The following CNTNAP4 variants were observed in gnomAD, a reference collection of about 807,000 sequenced individuals.
The protein encoded by CNTNAP4 is contactin-associated protein-like 4.
Under a neutral mutation model 148.4 loss-of-function variants are expected in CNTNAP4, and 98 were observed. The ratio of observed to expected loss-of-function variants is 0.66; its 90% CI spans 0.56 to 0.78. The LOEUF (loss-of-function observed/expected upper bound fraction) is 0.78, where lower values mean the gene tolerates loss of function less well. Ranked by LOEUF, CNTNAP4 falls within the 30% of genes least tolerant of loss-of-function variation. CNTNAP4 has a pLI of 0.00. For missense variants in CNTNAP4, 1,935 were observed against 1,565.6 expected, an observed-to-expected ratio of 1.24 and a Z score of -3.98; for synonymous variants, 730 against 565.1, an observed-to-expected ratio of 1.29 and a Z score of -4.14.
At position 76,559,812 on chromosome 16, in the gene CNTNAP4, C is replaced by T. The variant is rs1367286733; in HGVS notation, c.*1129C>T. ...TGTACATTTTGCTGTGCATAGACTT[C>T]CAGTACATACTTTTTGAAATATGAG... is the stretch of plus-strand genomic sequence containing the variant. On this transcript the variant is annotated 3_prime_UTR_variant, in exon 24 of 24. Coordinates refer to ENST00000611870, the MANE Select transcript of CNTNAP4 (RefSeq NM_033401.5). 6.6e-6 allele frequency among the ~76,000 whole-genome samples: 1 copy of T among 152,068 alleles called. No individual in the cohort carries two copies. The highest frequency in any genetic ancestry group is 1.5e-5 in the Non-Finnish European group (1 of 68,016).
At position 76,539,797 on chromosome 16, in the gene CNTNAP4, A is replaced by G; in HGVS notation, c.3299A>G (p.Asp1100Gly). ...VVNFDFKNMA[D>G]GQLHHIMINR... ...AACTTTGATTTTAAAAACATGGCTGATGGACAACTTCACCACATAATGATT... is the reference window on the plus strand; with the variant it reads ...AACTTTGATTTTAAAAACATGGCTGGTGGACAACTTCACCACATAATGATT... The change falls in exon 20 of 24, where the codon GAT becomes GGT. Residue 1100 changes from aspartate (D) to glycine (G), a missense_variant. Physicochemically the swap from Asp to Gly is moderately conservative, Grantham distance 94 (BLOSUM62 -1). Transcript: ENST00000611870. The G allele has an allele frequency of 5.6e-6, 9 of 1,604,284 alleles. No homozygotes were observed. Among genetic ancestry groups the G allele is most frequent in the Non-Finnish European group, 7.7e-6 (9 of 1,175,066 alleles).
At chr16:76,445,795 C>A (rs2080216840) in intron 4 of CNTNAP4, among the ~76,000 whole-genome samples, 1 of 152,126 alleles carries the variant, frequency 6.6e-6, no homozygotes, top group Non-Finnish European at 1.5e-5. Flanking sequence ...AAAATGAAAT[C>A]ATTACTGTCA....
At chr16:76,466,394 A>G (rs2081177324) in intron 9 of CNTNAP4, among the ~76,000 whole-genome samples, 1 of 152,190 alleles carries the variant, frequency 6.6e-6, no homozygotes, top group Non-Finnish European at 1.5e-5. Context: ...TAAAATAACT[A>G]AAATAGTTTA....
intron 1 of CNTNAP4, among the ~76,000 whole-genome samples, chr16:76,294,410 A>G (rs1331644978): frequency 1.3e-5 from 2 of 152,108 alleles, no homozygotes; most frequent in Non-Finnish European, 2.9e-5. Flanking sequence ...TTTTTCACCT[A>G]CCTATGAAGT....
intron 12 of CNTNAP4, among the ~76,000 whole-genome samples, chr16:76,483,868 T>C (rs900835836): frequency 6.6e-6 from 1 of 152,148 alleles, no homozygotes; most frequent in African/African-American, 2.4e-5. Context: ...TTTTAGCAAG[T>C]AGGCAAATTC....
intron 13 of CNTNAP4, among the ~76,000 whole-genome samples, chr16:76,493,207 A>T (rs1217229114): frequency 1.3e-5 from 2 of 152,312 alleles, no homozygotes; most frequent in South Asian, 2.1e-4. Flanking sequence ...GTTTTCAGAC[A>T]AGCTATATTT....
At chr16:76,517,448 C>T (rs182125379) in intron 15 of CNTNAP4, among the ~76,000 whole-genome samples, 4 of 152,182 alleles carry the variant, frequency 2.6e-5, no homozygotes, top group Admixed American at 2.6e-4. Context: ...TAATTAAATC[C>T]GTATTTCTGG....
intron 3 of CNTNAP4, among the ~76,000 whole-genome samples, chr16:76,426,202 A>C (rs969585403): frequency 6.6e-6 from 1 of 152,190 alleles, no homozygotes; most frequent in Non-Finnish European, 1.5e-5. Flanking sequence ...TAAAACACCC[A>C]ATCTTTTAAA....
intron 2 of CNTNAP4, among the ~76,000 whole-genome samples, chr16:76,326,050 A>G (rs575892243): frequency 1.6e-3 from 244 of 152,328 alleles, no homozygotes; most frequent in African/African-American, 5.7e-3. Flanking sequence ...ATATTTAAGG[A>G]AGATATGACT....
intron 4 of CNTNAP4, among the ~76,000 whole-genome samples, chr16:76,436,989 C>T (rs13338343): frequency 5.3e-5 from 8 of 151,290 alleles, no homozygotes; most frequent in South Asian, 4.2e-4. Context: ...ATCTATCTGT[C>T]TATCTAGGAG....
At chr16:76,323,032 A>G (rs913412366) in intron 2 of CNTNAP4, among the ~76,000 whole-genome samples, 5 of 151,906 alleles carry the variant, frequency 3.3e-5, no homozygotes, top group Non-Finnish European at 5.9e-5. Context: ...TTATTAGTAG[A>G]GATGGGGTTT....
At chr16:76,515,251 C>G (rs2083202431) in intron 15 of CNTNAP4, among the ~76,000 whole-genome samples, 1 of 152,098 alleles carries the variant, frequency 6.6e-6, no homozygotes, top group Admixed American at 6.5e-5. Context: ...GTTAAAAACA[C>G]AATTAAAATA....
At chr16:76,280,143 C>G (rs1387612158) in intron 1 of CNTNAP4, among the ~76,000 whole-genome samples, 1 of 152,072 alleles carries the variant, frequency 6.6e-6, no homozygotes, top group African/African-American at 2.4e-5. Context: ...AATTAAAGGA[C>G]TAGAAAGACT....
chr16:76,469,357 T>C (rs1214424863), intron 10 of CNTNAP4, among the ~76,000 whole-genome samples: 2 of 152,126 alleles, frequency 1.3e-5, no homozygotes, highest in Non-Finnish European at 2.9e-5. Flanking sequence ...CCTTAACAGC[T>C]CTGGAACCTA....
intron 12 of CNTNAP4, 97 bp downstream of exon 12, chr16:76,479,635 A>G: frequency 8.0e-7 from 1 of 1,252,276 alleles, no homozygotes; most frequent in Non-Finnish European, 1.1e-6. Flanking sequence ...CGTAATTTGC[A>G]ACTTGATTAA....
Position 76,422,880 on chromosome 16 carries a change from T to C in CNTNAP4, c.391-4572T>C, listed in dbSNP as rs139556567. Among the ~76,000 whole-genome samples the C allele has an allele frequency of 1.1e-3, 174 of 152,286 alleles. 2 individuals are homozygous for C. The East Asian group carries it at 0.026, about 23-fold the overall frequency. On this transcript the variant is annotated intron_variant, in intron 3 of 23. Coordinates refer to ENST00000611870, the MANE Select transcript of CNTNAP4 (RefSeq NM_033401.5). ...AGAACGCAATCACTAGTTGTTATGG[T>C]CCAAATATTTGTGTCTCCCCAAACT...
intron 8 of CNTNAP4, among the ~76,000 whole-genome samples, chr16:76,453,379 T>C (rs148145083): frequency 6.6e-6 from 1 of 152,214 alleles, no homozygotes; most frequent in Non-Finnish European, 1.5e-5. Context: ...TTAGAAGTAA[T>C]GTACTTGAGG....
intron 4 of CNTNAP4, among the ~76,000 whole-genome samples, chr16:76,439,243 A>C (rs1432638366): frequency 6.6e-6 from 1 of 152,192 alleles, no homozygotes; most frequent in Non-Finnish European, 1.5e-5. Context: ...AAATTGTATC[A>C]TAAATACATA....
intron 3 of CNTNAP4, among the ~76,000 whole-genome samples, chr16:76,405,809 T>C (rs1231356265): frequency 6.6e-6 from 1 of 150,812 alleles, no homozygotes; most frequent in African/African-American, 2.5e-5. Context: ...GCATGTAAAT[T>C]GTCTCCTTTT....
Sources: gnomAD v4.1 joint callset for allele counts (sites outside exome capture counted in the v4.1 genomes callset) on GRCh38, gnomAD v4.1.1 for gene constraint, MANE v1.5 for transcripts, NCBI Gene and HGNC (gene_info 2026-07-23, HGNC 2026-07-21) for gene names.